Variants in NPHP1 observed in about 807,000 individuals in gnomAD.
The protein encoded by NPHP1 is nephrocystin-1.
Under a neutral mutation model 90.4 loss-of-function variants are expected in NPHP1, and 70 were observed. The observed-to-expected ratio is 0.77, with a 90% CI of 0.64 to 0.95. The LOEUF (loss-of-function observed/expected upper bound fraction) is 0.95, where lower values mean the gene tolerates loss of function less well. NPHP1 is among the 40% of genes least tolerant of loss of function. The probability of loss-of-function intolerance (pLI) is 0.00; values close to 1 mark genes in which losing one functional copy is unlikely to be tolerated. For missense variants in NPHP1, 764 were observed against 795.9 expected, an observed-to-expected ratio of 0.96 and a Z score of 0.48; for synonymous variants, 256 against 271.7, an observed-to-expected ratio of 0.94 and a Z score of 0.57.
chr2:110,191,049 C>T (rs1458611337), intron 2 of NPHP1, among the ~76,000 whole-genome samples: 4 of 152,056 alleles, frequency 2.6e-5, no homozygotes. Context: ...CCAAGATGGC[C>T]AAATACGAAC....
chr2:110,135,378 G>C (rs1680097919), intron 16 of NPHP1, among the ~76,000 whole-genome samples: 1 of 149,852 alleles, frequency 6.7e-6, no homozygotes, highest in African/African-American at 2.5e-5. Flanking sequence ...TTGGGAGGCT[G>C]AGGCAGGAGA....
intron 6 of NPHP1, among the ~76,000 whole-genome samples, chr2:110,166,272 A>T (rs1281332052): frequency 2.6e-5 from 4 of 152,216 alleles, no homozygotes; most frequent in Admixed American, 6.5e-5. Context: ...ATAATCGGGC[A>T]AGTGTGCAAA....
rs964439584 is a variant in NPHP1, at chr2:110,178,544, C to T, written c.208G>A (p.Asp70Asn). The T allele has an allele frequency of 6.2e-7, 1 of 1,613,262 alleles. No individual in the cohort carries two copies. The highest frequency in any genetic ancestry group is 8.5e-7 in the Non-Finnish European group (1 of 1,179,618). ...TAGTTTGCAACAGGTGCAGATTCAT[C>T]AGCCTATGAGAGAATATAGGTCTAT... Reference protein sequence around the residue: ...KNALQKLSKADESAPVANYNQ... With the variant: ...KNALQKLSKANESAPVANYNQ... The change falls in exon 4 of 20, where the codon GAT becomes AAT. Residue 70 changes from aspartate to asparagine, a missense_variant. By Grantham distance (23) the Asp-to-Asn change is conservative. Transcript: ENST00000445609.
chr2:110,125,135 A>C, intron 19 of NPHP1: 2 of 1,489,494 alleles, frequency 1.3e-6, no homozygotes, highest in East Asian at 4.9e-5. Flanking sequence ...TTTTCCATCT[A>C]TAGCCCTTCC....
At chr2:110,175,092 G>A (rs1683416207) in intron 4 of NPHP1, among the ~76,000 whole-genome samples, 1 of 152,066 alleles carries the variant, frequency 6.6e-6, no homozygotes, top group Admixed American at 6.6e-5. Flanking sequence ...AGGCTCACAG[G>A]AGTCTTAAGT....
chr2:110,196,275 C>T (rs1246994477), intron 2 of NPHP1, among the ~76,000 whole-genome samples: 2 of 151,950 alleles, frequency 1.3e-5, no homozygotes, highest in Non-Finnish European at 2.9e-5. Flanking sequence ...GGCTAATATA[C>T]AGAATCTACA....
At chr2:110,158,306 C>T (rs1682057717) in intron 11 of NPHP1, among the ~76,000 whole-genome samples, 1 of 152,024 alleles carries the variant, frequency 6.6e-6, no homozygotes, top group Non-Finnish European at 1.5e-5. Flanking sequence ...GAATATCAAT[C>T]TAATCCAGTT....
intron 9 of NPHP1, 27 bp downstream of exon 9, chr2:110,163,021 G>A (rs1165794358): frequency 6.6e-7 from 1 of 1,510,398 alleles, no homozygotes; most frequent in Non-Finnish European, 9.2e-7. Context: ...TGCTGAAAGA[G>A]TGCAGTGGCT....
chr2:110,195,940 C>T (rs369741384), intron 2 of NPHP1, among the ~76,000 whole-genome samples: 29 of 152,112 alleles, frequency 1.9e-4, no homozygotes, highest in East Asian at 7.7e-4. Flanking sequence ...CTGGGAAAAC[C>T]GGCTAGCCAT....
intron 2 of NPHP1, among the ~76,000 whole-genome samples, chr2:110,187,093 T>G (rs995722003): frequency 6.6e-6 from 1 of 151,926 alleles, no homozygotes; most frequent in Non-Finnish European, 1.5e-5. Flanking sequence ...GTTAACAACC[T>G]AACATCTCAA....
chr2:110,169,922 C>T lies in NPHP1; in HGVS notation c.406G>A (p.Ala136Thr), dbSNP rs149817816. Reference sequence around the variant, plus strand: ...TCTTTCTCTTCCTCTTCCTCCTCTGCATCTTCTTCCTCCCCACCACTGTCT... The same window carrying T: ...TCTTTCTCTTCCTCTTCCTCCTCTGTATCTTCTTCCTCCCCACCACTGTCT... ...SEDSGGEEED[A>T]EEEEEEKEEN... Residue 136 changes from alanine to threonine, a missense_variant, in exon 5 of 20, where the codon GCA (alanine) becomes ACA (threonine). Transcript: ENST00000445609. The T allele has an allele frequency of 1.9e-6, 3 of 1,605,674 alleles. No homozygotes were observed. The highest frequency in any genetic ancestry group is 2.7e-5 in the African/African-American group (2 of 74,902).
At chr2:110,135,097 G>T (rs1375229024) in intron 16 of NPHP1, among the ~76,000 whole-genome samples, 2 of 152,026 alleles carry the variant, frequency 1.3e-5, no homozygotes, top group Admixed American at 1.3e-4. Context: ...TAGCAAAGTT[G>T]CAGAATACAA....
intron 8 of NPHP1, chr2:110,163,368 C>A: frequency 1.9e-6 from 1 of 526,834 alleles, no homozygotes; most frequent in Non-Finnish European, 3.4e-6. Flanking sequence ...CTGTGTGTTC[C>A]GGAGCAGCTG....
chr2:110,152,069 C>A (rs1344904531), intron 11 of NPHP1, among the ~76,000 whole-genome samples: 1 of 152,154 alleles, frequency 6.6e-6, no homozygotes, highest in Non-Finnish European at 1.5e-5. Flanking sequence ...GGCTTAGAAT[C>A]ACACTGCTTT....
intron 15 of NPHP1, 123 bp from the exon 16 acceptor site, chr2:110,143,764 T>C: frequency 1.4e-6 from 1 of 727,120 alleles, no homozygotes; most frequent in South Asian, 1.5e-5. Context: ...AAGGCAAGAG[T>C]CATCCATATA....
chr2:110,169,802 C>T lies in NPHP1; in HGVS notation c.522+4G>A, dbSNP rs1407167288. 1 of 1,604,976 alleles carries T rather than the reference C, an allele frequency of 6.2e-7. No individual in the cohort carries two copies. The highest frequency in any genetic ancestry group is 1.1e-5 in the South Asian group (1 of 90,898). Reference sequence around the variant, plus strand: ...AGGTTAGGTTTCAGTCTTATTCTACCTACCTTAAATGTAAGATCTCCAACT... The same window carrying T: ...AGGTTAGGTTTCAGTCTTATTCTACTTACCTTAAATGTAAGATCTCCAACT... On this transcript the variant is annotated splice_donor_region_variant and intron_variant, in intron 5 of 19. Coordinates refer to ENST00000445609, the MANE Select transcript of NPHP1 (RefSeq NM_001128178.3).
intron 18 of NPHP1, chr2:110,127,301 C>G (rs1679438504): frequency 6.6e-6 from 1 of 152,112 alleles, no homozygotes; most frequent in East Asian, 1.9e-4. Context: ...GGATACATAC[C>G]ATGGGTAAGA....
intron 8 of NPHP1, 172 bp from the exon 9 acceptor site, chr2:110,163,307 C>A: frequency 4.8e-6 from 3 of 622,772 alleles, no homozygotes; most frequent in Non-Finnish European, 8.7e-6. Flanking sequence ...CATCACAGCA[C>A]CCTGGCCTCT....
At chr2:110,128,886 A>T (rs1679562587) in intron 18 of NPHP1, 2 of 416,758 alleles carry the variant, frequency 4.8e-6, no homozygotes, top group South Asian at 6.5e-5. Flanking sequence ...CTTACAGACC[A>T]TTTTGGATTT....
Sources: allele counts gnomAD v4.1 joint callset (sites outside exome capture counted in the v4.1 genomes callset), GRCh38; gene constraint gnomAD v4.1.1; transcripts MANE v1.5; gene names NCBI Gene and HGNC (gene_info 2026-07-23, HGNC 2026-07-21).